ERN2: variants seen among roughly 807,000 people sequenced by gnomAD.
ERN2 encodes serine/threonine-protein kinase/endoribonuclease IRE2.
In ERN2, 111 loss-of-function variants were observed where a neutral mutation model predicts 107.9. The ratio of observed to expected loss-of-function variants is 1.03; its 90% CI spans 0.88 to 1.20. The LOEUF is 1.20. ERN2 is among the 50% of genes most tolerant of loss of function. The probability of loss-of-function intolerance (pLI) is 0.00; values close to 1 mark genes in which losing one functional copy is unlikely to be tolerated. For synonymous variants in ERN2, 524 were observed against 501.7 expected (o/e 1.04, Z -0.59); for missense variants, 1,225 against 1,197.9 (o/e 1.02, Z -0.33).
At position 23,695,022 on chromosome 16, in the gene ERN2, T is replaced by A; in HGVS notation, c.1897A>T (p.Ile633Leu). 6.2e-7 allele frequency: 1 copy of A among 1,613,214 alleles called. No individual in the cohort carries two copies. Among genetic ancestry groups the A allele is most frequent in the Non-Finnish European group, 8.5e-7 (1 of 1,179,590 alleles). The change falls in exon 16 of 22, where the codon ATA becomes TTA. Residue 633 changes from isoleucine to leucine, a missense_variant. Physicochemically the swap from Ile to Leu is conservative, Grantham distance 5 (BLOSUM62 2). Coordinates refer to ENST00000256797, the MANE Select transcript of ERN2 (RefSeq NM_033266.4). ...GAGGCAGGGGAAGTGCGGGTACCTATGTGTAAAGAGTGCAGGTGGGCCAGG... is the reference window on the plus strand; with the variant it reads ...GAGGCAGGGGAAGTGCGGGTACCTAAGTGTAAAGAGTGCAGGTGGGCCAGG... ...SGLAHLHSLH[I>L]VHRDLKPGNI...
intron 13 of ERN2, 112 bp downstream of exon 13, chr16:23,700,427 T>A: frequency 9.6e-7 from 1 of 1,045,376 alleles, no homozygotes; most frequent in Non-Finnish European, 1.4e-6. Flanking sequence ...TCTTAATTCA[T>A]GTAGACCTAA....
At chr16:23,708,064 G>A (rs1597157362) in intron 4 of ERN2, among the ~76,000 whole-genome samples, 1 of 152,130 alleles carries the variant, frequency 6.6e-6, no homozygotes, top group Non-Finnish European at 1.5e-5. Flanking sequence ...AAGTCCTCAC[G>A]GGCTGGCTGT....
At chr16:23,697,759 T>C (rs1022430459) in intron 13 of ERN2, among the ~76,000 whole-genome samples, 3 of 152,038 alleles carry the variant, frequency 2.0e-5, no homozygotes, top group Admixed American at 6.6e-5. Flanking sequence ...TTTTTGTCGT[T>C]GTTGTTGTTG....
chr16:23,702,699 C>T lies in ERN2; in HGVS notation c.858G>A (p.Met286Ile), dbSNP rs768907405. ...LFSTLDTQLL[M>I]TLYVGKDETG... ...TTTCATCCTTCCCCACATACAGCGT[C>T]ATTCTAGTGGGAGAGAAGAAAAAGA... Residue 286 changes from methionine (M) to isoleucine (I), a missense_variant, in exon 9 of 22, where the codon ATG becomes ATA. Physicochemically the swap from Met to Ile is conservative, Grantham distance 10. Coordinates refer to ENST00000256797, the MANE Select transcript of ERN2 (RefSeq NM_033266.4). 9.3e-6 allele frequency: 15 copies of T among 1,613,502 alleles called. No homozygotes were observed. Among genetic ancestry groups the T allele is most frequent in the Non-Finnish European group, 2.5e-6 (3 of 1,179,530 alleles).
intron 19 of ERN2, 44 bp from the exon 20 acceptor site, chr16:23,691,469 G>A (rs916772610): frequency 4.4e-6 from 7 of 1,585,320 alleles, no homozygotes; most frequent in Non-Finnish European, 4.3e-6. Flanking sequence ...GGGGCCAGAG[G>A]CCACATAGCC....
At chr16:23,708,487 G>C (rs1300553300) in intron 4 of ERN2, among the ~76,000 whole-genome samples, 1 of 150,670 alleles carries the variant, frequency 6.6e-6, no homozygotes, top group Non-Finnish European at 1.5e-5. Flanking sequence ...CTCCCAAGCA[G>C]TTGGGACTGC....
At chr16:23,711,670 T>C (rs1212309465) in intron 1 of ERN2, among the ~76,000 whole-genome samples, 1 of 152,170 alleles carries the variant, frequency 6.6e-6, no homozygotes, top group East Asian at 1.9e-4. Flanking sequence ...AGACTGGTAT[T>C]ATTAGTTTTC....
At position 23,690,865 on chromosome 16, in the gene ERN2, G is replaced by A. The variant is rs777676216; in HGVS notation, c.2747C>T (p.Ala916Val). Residue 916 changes from alanine (A) to valine (V), a missense_variant, in exon 22 of 22, where the codon GCC becomes GTC. By Grantham distance (64) the Ala-to-Val change is moderately conservative. Transcript: ENST00000256797. ...FLPYYPPDSE[A>V]RRPCPGATGR is the part of the protein sequence containing the mutation. Reference sequence around the variant, plus strand: ...TGTGGCCCCAGGGCATGGCCTCCTGGCCTCTGAGTCTGGCGGGTAGTAGGG... The same window carrying A: ...TGTGGCCCCAGGGCATGGCCTCCTGACCTCTGAGTCTGGCGGGTAGTAGGG... 3.1e-6 allele frequency: 5 copies of A among 1,613,274 alleles called. No individual in the cohort carries two copies. The highest frequency in any genetic ancestry group is 8.5e-7 in the Non-Finnish European group (1 of 1,180,048).
chr16:23,709,920 G>C, intron 4 of ERN2: 1 of 442,616 alleles, frequency 2.3e-6, no homozygotes. Context: ...TCTCTTTAAA[G>C]CCCTCAGAGT....
chr16:23,704,658 T>C (rs1179873172), intron 8 of ERN2, among the ~76,000 whole-genome samples: 1 of 152,120 alleles, frequency 6.6e-6, no homozygotes, highest in Non-Finnish European at 1.5e-5. Flanking sequence ...ACCGTATGAG[T>C]TGCTGAACAG....
rs1418646361 is a variant in ERN2 at position 23,695,241 on chromosome 16, G to C, written c.1759C>G (p.His587Asp). Residue 587 changes from histidine (H) to aspartate (D), a missense_variant, in exon 15 of 22, where the codon CAC becomes GAC. By Grantham distance (81) the His-to-Asp change is moderately conservative (BLOSUM62 -1). Transcript: ENST00000256797. ...YFCTERGPQF[H>D]YIALELCRAS... Reference sequence around the variant, plus strand: ...CGGCAGAGCTCCAGGGCAATGTAGTGGAACTGGGGTCCCCGCTCGGTGCAG... The same window carrying C: ...CGGCAGAGCTCCAGGGCAATGTAGTCGAACTGGGGTCCCCGCTCGGTGCAG... 1 of 1,614,152 alleles carries C rather than the reference G, an allele frequency of 6.2e-7. No homozygotes were observed. Among genetic ancestry groups the C allele is most frequent in the Non-Finnish European group, 8.5e-7 (1 of 1,180,016 alleles).
chr16:23,694,849 T>TC lies in ERN2; in HGVS notation c.1978dup (p.Asp660GlyfsTer14). 1.2e-6 allele frequency: 2 copies of TC among 1,614,112 alleles called. No homozygotes were observed. Among genetic ancestry groups the TC allele is most frequent in the Non-Finnish European group, 1.7e-6 (2 of 1,179,996 alleles). ...AGGCAGCTTCTTGCAGAGGCCGAAG[T>TC]CTGAGAGCACCACTCTGCCCAGGCC... On this transcript the variant is annotated frameshift_variant, in exon 17 of 22. Coordinates refer to ENST00000256797, the MANE Select transcript of ERN2 (RefSeq NM_033266.4). LOFTEE classifies it high-confidence loss of function.
Position 23,709,562 on chromosome 16 carries a change from C to T in ERN2, c.306+610G>A, listed in dbSNP as rs1960459091. 1.5e-5 allele frequency: 3 copies of T among 204,656 alleles called. No homozygotes were observed. In the South Asian group the frequency reaches 2.2e-4, roughly 15 times the overall value. 12.7% of individuals were successfully genotyped at this position (204,656 alleles called of 1,614,324 possible). ...TTAGCAAATGTGACACAAACAGAAG[C>T]TTGAAAAGTGCTTATGTATTGCTGC... On this transcript the variant is annotated intron_variant, in intron 4 of 21. Transcript: ENST00000256797.
At chr16:23,704,753 A>G (rs753882320) in intron 8 of ERN2, 130 bp downstream of exon 8, 8 of 1,071,468 alleles carry the variant, frequency 7.5e-6, no homozygotes, top group South Asian at 2.9e-5. Context: ...TAAGTAACCA[A>G]TTTGAAATGT....
chr16:23,694,858 A>G lies in ERN2; in HGVS notation c.1970T>C (p.Val657Ala). 1 of 1,614,170 alleles carries G rather than the reference A, an allele frequency of 6.2e-7. No homozygotes were observed. The highest frequency in any genetic ancestry group is 1.1e-5 in the South Asian group (1 of 91,080). Residue 657 changes from valine to alanine, a missense_variant, in exon 17 of 22, where the codon GTG (valine) becomes GCG (alanine). Transcript: ENST00000256797. ...GPDSQGLGRV[V>A]LSDFGLCKKL... ...CTTGCAGAGGCCGAAGTCTGAGAGCACCACTCTGCCCAGGCCCTGGCTGTC... is the reference window on the plus strand; with the variant it reads ...CTTGCAGAGGCCGAAGTCTGAGAGCGCCACTCTGCCCAGGCCCTGGCTGTC...
At chr16:23,704,424 T>G (rs936643158) in intron 8 of ERN2, among the ~76,000 whole-genome samples, 4 of 152,072 alleles carry the variant, frequency 2.6e-5, no homozygotes, top group African/African-American at 9.7e-5. Flanking sequence ...ATCTGATGGT[T>G]TTATAAGGGG....
At position 23,691,991 on chromosome 16, in the gene ERN2, C is replaced by A. The variant is rs1959615249; in HGVS notation, c.2348G>T (p.Ser783Ile). Residue 783 changes from serine (S) to isoleucine (I), a missense_variant, in exon 19 of 22, where the codon AGC becomes ATC. Physicochemically the swap from Ser to Ile is moderately radical, Grantham distance 142 (BLOSUM62 -2). Coordinates refer to ENST00000256797, the MANE Select transcript of ERN2 (RefSeq NM_033266.4). ...GAAGAACTGGAGTTGCTTGGCTCTG[C>A]TCCAAAAGAAGGGGTGGGCCAGCAC... ...PQVLAHPFFW[S>I]RAKQLQFFQD... The A allele has an allele frequency of 1.2e-6, 2 of 1,613,414 alleles. No individual in the cohort carries two copies.
chr16:23,708,220 G>T (rs1455982243), intron 4 of ERN2, among the ~76,000 whole-genome samples: 1 of 152,072 alleles, frequency 6.6e-6, no homozygotes, highest in Non-Finnish European at 1.5e-5. Flanking sequence ...AAAGGATACT[G>T]CATGATATGT....
intron 6 of ERN2, 102 bp downstream of exon 6, chr16:23,706,652 G>C: frequency 1.2e-6 from 1 of 862,748 alleles, no homozygotes; most frequent in Non-Finnish European, 1.9e-6. Context: ...ATGACTAACA[G>C]ACTGACTGTC....
Sources: allele counts gnomAD v4.1 joint callset (sites outside exome capture counted in the v4.1 genomes callset), GRCh38; gene constraint gnomAD v4.1.1; transcripts MANE v1.5; gene names NCBI Gene and HGNC (gene_info 2026-07-23, HGNC 2026-07-21).